Variants in COLEC10 observed in about 807,000 individuals in gnomAD.
COLEC10 encodes the protein collectin subfamily member 10, also known as collectin-10.
COLEC10 carries 22 observed loss-of-function variants against 28.4 expected under a neutral mutation model. The observed-to-expected ratio is 0.78, with a 90% CI of 0.55 to 1.11. The LOEUF (loss-of-function observed/expected upper bound fraction) is 1.11. Ranked by LOEUF, COLEC10 falls within the 50% of genes least tolerant of loss-of-function variation. COLEC10 has a pLI of 0.00. For missense variants in COLEC10, 361 were observed against 344.1 expected, an observed-to-expected ratio of 1.05 and a Z score of -0.39; for synonymous variants, 125 against 116.1, an observed-to-expected ratio of 1.08 and a Z score of -0.49.
intron 1 of COLEC10, among the ~76,000 whole-genome samples, chr8:119,001,023 A>G (rs1194186914): frequency 6.6e-6 from 1 of 152,160 alleles, no homozygotes; most frequent in East Asian, 1.9e-4. Context: ...CATTACTGGG[A>G]CGATCAGTAA....
rs565071645 is a variant in COLEC10 at position 119,061,912 on chromosome 8, A to T, written n.236-27768A>T. 7.9e-5 allele frequency among the ~76,000 whole-genome samples: 12 copies of T among 152,310 alleles called. No individual in the cohort carries two copies. The South Asian group carries it at 2.3e-3, about 29-fold the overall frequency. On this transcript the variant is annotated intron_variant and non_coding_transcript_variant, in intron 2 of 6. Transcript: ENST00000521788. ...GGTTCCCAAAGAAATTTCTAAGAAA[A>T]GTAAAGGAAACTAATAGAAGACTTT...
intron 4 of COLEC10, chr8:119,102,743 A>G (rs1261096821): frequency 4.4e-6 from 1 of 227,794 alleles, no homozygotes; most frequent in East Asian, 1.1e-4. Flanking sequence ...TAGCATCTCA[A>G]CCAAATACTG....
At chr8:119,047,101 T>C (rs1483869588) in intron 2 of COLEC10, among the ~76,000 whole-genome samples, 1 of 152,192 alleles carries the variant, frequency 6.6e-6, no homozygotes, top group Non-Finnish European at 1.5e-5. Context: ...TATTCAAAAA[T>C]GTATTTTTTG....
intron 2 of COLEC10, among the ~76,000 whole-genome samples, chr8:119,054,534 G>A (rs1023365696): frequency 1.3e-5 from 2 of 151,960 alleles, no homozygotes; most frequent in Non-Finnish European, 2.9e-5. Context: ...TTAGAAGAAC[G>A]GAACACAAAA....
At chr8:119,049,658 C>G (rs145881123) in intron 2 of COLEC10, among the ~76,000 whole-genome samples, 216 of 152,182 alleles carry the variant, frequency 1.4e-3, no homozygotes, top group African/African-American at 5.0e-3. Context: ...TCGTGATCCA[C>G]TTGCCTTGGC....
rs79627070 is a variant in COLEC10 at position 119,036,587 on chromosome 8, C to T, written n.235+27034C>T. ...ACATCTATCTGTGTACCTTCCTTTA[C>T]AGCTGGTTGAGGGTATGGTATTTAT... On this transcript the variant is annotated intron_variant and non_coding_transcript_variant, in intron 2 of 6. Transcript: ENST00000521788. Among the ~76,000 whole-genome samples the T allele has an allele frequency of 6.6e-4, 100 of 152,210 alleles. 3 individuals are homozygous for T. The East Asian group carries it at 0.017, about 26-fold the overall frequency.
chr8:118,965,890 C>T, the COLEC10 span, among the ~76,000 whole-genome samples: 1 of 151,886 alleles, frequency 6.6e-6, no homozygotes, highest in East Asian at 1.9e-4. Context: ...CTTTCCAGGC[C>T]ATGACTAGAT....
the COLEC10 span, among the ~76,000 whole-genome samples, chr8:118,962,232 C>T: frequency 2.6e-5 from 4 of 152,160 alleles, no homozygotes; most frequent in Admixed American, 1.3e-4. Context: ...AAGTCCAAGG[C>T]GAGTACCAAC....
chr8:118,999,034 G>T (rs1413011200), intron 1 of COLEC10, among the ~76,000 whole-genome samples: 1 of 151,886 alleles, frequency 6.6e-6, no homozygotes, highest in African/African-American at 2.4e-5. Context: ...AGAACCCCAG[G>T]CACAAAGTAA....
chr8:119,030,888 T>G (rs767257951), intron 2 of COLEC10, among the ~76,000 whole-genome samples: 1 of 152,216 alleles, frequency 6.6e-6, no homozygotes, highest in Non-Finnish European at 1.5e-5. Flanking sequence ...GTATTTTATA[T>G]GAAGATTTCA....
chr8:119,020,367 C>T (rs1194950883), intron 2 of COLEC10, among the ~76,000 whole-genome samples: 1 of 152,226 alleles, frequency 6.6e-6, no homozygotes, highest in East Asian at 1.9e-4. Flanking sequence ...GCTTAGAATA[C>T]ATCAATAAAA....
chr8:118,983,777 T>C, the COLEC10 span, among the ~76,000 whole-genome samples: 1 of 151,936 alleles, frequency 6.6e-6, no homozygotes, highest in Non-Finnish European at 1.5e-5. Flanking sequence ...ATCAAAACCA[T>C]GATGAGATAC....
At chr8:119,032,744 A>G (rs1283143877) in intron 2 of COLEC10, among the ~76,000 whole-genome samples, 2 of 152,168 alleles carry the variant, frequency 1.3e-5, no homozygotes, top group Non-Finnish European at 2.9e-5. Flanking sequence ...TACTAAAAAC[A>G]CAAAAAAATT....
chr8:119,097,172 G>C (rs546442377), intron 3 of COLEC10, among the ~76,000 whole-genome samples: 92 of 152,148 alleles, frequency 6.0e-4, no homozygotes, highest in Middle Eastern at 6.8e-3. Flanking sequence ...GCTTCTTGAG[G>C]ATCTAGGTAT....
intron 3 of COLEC10, among the ~76,000 whole-genome samples, chr8:119,095,373 A>G (rs1426357174): frequency 6.6e-6 from 1 of 152,196 alleles, no homozygotes; most frequent in African/African-American, 2.4e-5. Context: ...GTTCTTTCCC[A>G]GATTGATCCA....
intron 2 of COLEC10, among the ~76,000 whole-genome samples, chr8:119,057,814 G>A (rs76146183): frequency 0.033 from 4,943 of 151,910 alleles, 132 homozygotes; most frequent in East Asian, 0.16. Context: ...ATTAATCACA[G>A]AACAACAATA....
chr8:119,020,029 T>C (rs1200085464), intron 2 of COLEC10, among the ~76,000 whole-genome samples: 6 of 152,304 alleles, frequency 3.9e-5, no homozygotes, highest in African/African-American at 1.4e-4. Context: ...CGTCTCCTCT[T>C]TGAAGTTCTG....
the COLEC10 span, among the ~76,000 whole-genome samples, chr8:118,964,304 C>T: frequency 1.3e-5 from 2 of 152,096 alleles, no homozygotes; most frequent in African/African-American, 4.8e-5. Flanking sequence ...TTTCTATCCC[C>T]CAAGATTACA....
chr8:119,078,077 G>A (rs1815289808), intron 1 of COLEC10, among the ~76,000 whole-genome samples: 1 of 152,148 alleles, frequency 6.6e-6, no homozygotes, highest in Non-Finnish European at 1.5e-5. Context: ...ATTACCACAA[G>A]AGGAGCACCA....
Sources: gnomAD v4.1 joint callset for allele counts (sites outside exome capture counted in the v4.1 genomes callset) on GRCh38, gnomAD v4.1.1 for gene constraint, MANE v1.5 for transcripts, NCBI Gene and HGNC (gene_info 2026-07-23, HGNC 2026-07-21) for gene names.